Variants in CD44 observed in about 807,000 individuals in gnomAD.
CD44 encodes CD44 antigen.
A neutral mutation model predicts 88.8 loss-of-function variants in CD44; 49 were observed. That is an observed-to-expected ratio of 0.55 (90% CI 0.44 to 0.70). The LOEUF is 0.70. Among genes scored for constraint, CD44 ranks in the 30% least tolerant of loss-of-function variants. The pLI, the probability that CD44 is intolerant of heterozygous loss-of-function variation, is 0.00. For missense variants in CD44, 883 were observed against 913.8 expected (o/e 0.97, Z 0.43); for synonymous variants, 325 against 312.3 (o/e 1.04, Z -0.43).
chr11:35,209,867 C>T, intron 12 of CD44, 98 bp from the exon 13 acceptor site: 1 of 718,154 alleles, frequency 1.4e-6, no homozygotes, highest in South Asian at 1.7e-5. Flanking sequence ...TGCACCTATC[C>T]ATCTGACTCT....
At chr11:35,225,319 A>G (rs1442109391) in intron 17 of CD44, among the ~76,000 whole-genome samples, 3 of 152,178 alleles carry the variant, frequency 2.0e-5, no homozygotes, top group Non-Finnish European at 4.4e-5. Flanking sequence ...AAATCTTTTA[A>G]GATAAATTCT....
chr11:35,190,623 C>G (rs914459014), intron 5 of CD44, among the ~76,000 whole-genome samples: 15 of 152,224 alleles, frequency 9.9e-5, no homozygotes, highest in African/African-American at 3.6e-4. Flanking sequence ...GAACAGTAGG[C>G]ATACGTGGGT....
At chr11:35,178,684 C>T (rs901173137) in intron 2 of CD44, among the ~76,000 whole-genome samples, 2 of 152,226 alleles carry the variant, frequency 1.3e-5, no homozygotes, top group Admixed American at 1.3e-4. Flanking sequence ...CATGAGGTGG[C>T]AAAAACTCAG....
intron 3 of CD44, among the ~76,000 whole-genome samples, chr11:35,184,649 C>T (rs2133811221): frequency 6.6e-6 from 1 of 152,110 alleles, no homozygotes; most frequent in East Asian, 1.9e-4. Flanking sequence ...TATTACAGTC[C>T]CCCATGACCT....
At chr11:35,166,530 C>T (rs1464306780) in intron 1 of CD44, among the ~76,000 whole-genome samples, 1 of 152,166 alleles carries the variant, frequency 6.6e-6, no homozygotes, top group African/African-American at 2.4e-5. Flanking sequence ...ATTTGGTGGC[C>T]TTGGCTGAAG....
intron 1 of CD44, among the ~76,000 whole-genome samples, chr11:35,172,095 CA>C (rs1398960754): frequency 5.3e-5 from 8 of 152,292 alleles, no homozygotes; most frequent in Middle Eastern, 3.4e-3. Flanking sequence ...AGAAAGTTAA[CA>C]AACAAAATGC....
At chr11:35,162,278 T>C (rs1031518366) in intron 1 of CD44, among the ~76,000 whole-genome samples, 1 of 152,146 alleles carries the variant, frequency 6.6e-6, no homozygotes, top group African/African-American at 2.4e-5. Context: ...TAGGTCTAGG[T>C]CTAGGTCACC....
intron 1 of CD44, among the ~76,000 whole-genome samples, chr11:35,168,130 G>T (rs1477113474): frequency 1.3e-5 from 2 of 152,144 alleles, no homozygotes; most frequent in Non-Finnish European, 2.9e-5. Context: ...AGAATCAAGG[G>T]ACTTCTGATC....
At chr11:35,141,608 G>A (rs899573606) in intron 1 of CD44, among the ~76,000 whole-genome samples, 5 of 152,072 alleles carry the variant, frequency 3.3e-5, no homozygotes, top group African/African-American at 1.2e-4. Flanking sequence ...CTTCTAAAAG[G>A]CCCCACTTCC....
intron 15 of CD44, among the ~76,000 whole-genome samples, chr11:35,216,741 T>C (rs192762511): frequency 1.3e-5 from 2 of 152,300 alleles, no homozygotes; most frequent in East Asian, 3.9e-4. Flanking sequence ...GCATGATCTC[T>C]AAAACCAAGA....
intron 1 of CD44, chr11:35,139,649 G>C (rs1857507947): frequency 4.2e-6 from 3 of 707,132 alleles, no homozygotes; most frequent in South Asian, 4.1e-5. Flanking sequence ...TAGAGCTGCA[G>C]CACATGGCAG....
intron 17 of CD44, among the ~76,000 whole-genome samples, chr11:35,226,880 C>CTTTTTTTTTTTTTTTTTTT (rs367551052): frequency 1.9e-5 from 2 of 106,212 alleles, no homozygotes; most frequent in Non-Finnish European, 1.8e-5. Flanking sequence ...TTCTTTTTTC[C>CTTTTTTTTTTTTTTTTTTT]TTTTTTTTTT....
intron 17 of CD44, 54 bp downstream of exon 17, chr11:35,221,786 G>T (rs1949323505): frequency 2.1e-6 from 3 of 1,460,672 alleles, no homozygotes; most frequent in Non-Finnish European, 1.9e-6. Context: ...TTTAAACCTG[G>T]GCTTTATATC....
At position 35,208,205 on chromosome 11, in the gene CD44, G is replaced by A. The variant is rs140042735; in HGVS notation, c.1515G>A (p.Thr505=). The A allele has an allele frequency of 1.0e-5, 16 of 1,601,174 alleles. No homozygotes were observed. Among genetic ancestry groups the A allele is most frequent in the Middle Eastern group, 1.7e-4 (1 of 6,058 alleles). The part of the protein sequence containing the change: ...LDRTGPLSMT[T]QQSNSQSFST... Reference sequence around the variant, plus strand: ...GGACAGGACCTCTTTCAATGACAACGCGTAAGAATAACGATGCTCAGCCAC... The same window carrying A: ...GGACAGGACCTCTTTCAATGACAACACGTAAGAATAACGATGCTCAGCCAC... The change falls in exon 12 of 18, where the codon ACG becomes ACA. Residue 505 remains threonine (T), a splice_region_variant and synonymous_variant. Coordinates refer to ENST00000428726, the MANE Select transcript of CD44 (RefSeq NM_000610.4).
chr11:35,150,586 G>A (rs546815938), intron 1 of CD44, among the ~76,000 whole-genome samples: 1 of 152,302 alleles, frequency 6.6e-6, no homozygotes, highest in African/African-American at 2.4e-5. Flanking sequence ...TCAGATCACA[G>A]CTCCTTTTGG....
At chr11:35,165,174 A>T (rs1277995459) in intron 1 of CD44, among the ~76,000 whole-genome samples, 2 of 152,156 alleles carry the variant, frequency 1.3e-5, no homozygotes, top group East Asian at 3.8e-4. Context: ...ATTTTCAACC[A>T]CTTGAAATAC....
At position 35,207,829 on chromosome 11, in the gene CD44, T is replaced by C. The variant is rs567624885; in HGVS notation, c.1415-276T>C. Among the ~76,000 whole-genome samples the C allele has an allele frequency of 3.9e-5, 6 of 152,292 alleles. No individual in the cohort carries two copies. The East Asian group carries it at 1.2e-3, about 29-fold the overall frequency. Reference sequence around the variant, plus strand: ...CTGTCTCTCTGCAAGATTTGGGTGTTCCATCATGCACTCATGTGGAGTCCT... The same window carrying C: ...CTGTCTCTCTGCAAGATTTGGGTGTCCCATCATGCACTCATGTGGAGTCCT... On this transcript the variant is annotated intron_variant, in intron 11 of 17. Coordinates refer to ENST00000428726, the MANE Select transcript of CD44 (RefSeq NM_000610.4).
chr11:35,176,928 A>C (rs1591067171), intron 2 of CD44, 188 bp downstream of exon 2: 4 of 566,596 alleles, frequency 7.1e-6, no homozygotes, highest in Non-Finnish European at 1.2e-5. Context: ...AGCTAAAGAC[A>C]CCTTTGTGAA....
Position 35,230,406 on chromosome 11 carries a change from C to T in CD44, c.*1073C>T, listed in dbSNP as rs1392325094. 1 of 151,990 alleles carries T rather than the reference C, an allele frequency of 6.6e-6. No individual in the cohort carries two copies. Among genetic ancestry groups the T allele is most frequent in the East Asian group, 1.9e-4 (1 of 5,192 alleles). The allele number at this position is 151,990 out of a possible 1,614,324, so 9.4% of individuals were successfully genotyped here. On this transcript the variant is annotated 3_prime_UTR_variant, in exon 18 of 18. Transcript: ENST00000428726. ...TGGGGCCCTATTTCATAGAGGCTGGCCCTATTAGTGATTTCCAAAAACAAT... is the reference window on the plus strand; with the variant it reads ...TGGGGCCCTATTTCATAGAGGCTGGTCCTATTAGTGATTTCCAAAAACAAT...
Sources: allele counts gnomAD v4.1 joint callset (sites outside exome capture counted in the v4.1 genomes callset), GRCh38; gene constraint gnomAD v4.1.1; transcripts MANE v1.5; gene names NCBI Gene and HGNC (gene_info 2026-07-23, HGNC 2026-07-21).